Variants in INPP5F observed in about 807,000 individuals in gnomAD.
The protein encoded by INPP5F is inositol polyphosphate-5-phosphatase F, also known as phosphatidylinositide 4-phosphatase SAC2.
In INPP5F, 97 loss-of-function variants were observed where a neutral mutation model predicts 137.2. That is an observed-to-expected ratio of 0.71 (90% CI 0.60 to 0.84). INPP5F has a LOEUF of 0.84. Ranked by LOEUF, INPP5F falls within the 40% of genes least tolerant of loss-of-function variation. The pLI is 0.00. For missense variants in INPP5F, 1,271 were observed against 1,371.9 expected, an observed-to-expected ratio of 0.93 and a Z score of 1.16; for synonymous variants, 504 against 476.9, an observed-to-expected ratio of 1.06 and a Z score of -0.74.
chr10:119,780,302 C>T (rs557327316), intron 2 of INPP5F, among the ~76,000 whole-genome samples: 4 of 152,212 alleles, frequency 2.6e-5, no homozygotes, highest in African/African-American at 7.2e-5. Flanking sequence ...TGGCTGGGCA[C>T]GGTGGCTCAT....
At chr10:119,780,640 CTG>C (rs559228734) in intron 2 of INPP5F, among the ~76,000 whole-genome samples, 15 of 152,160 alleles carry the variant, frequency 9.9e-5, no homozygotes, top group Non-Finnish European at 2.1e-4. Flanking sequence ...ACAGTCGGCC[CTG>C]TGTATCCATT....
At chr10:119,795,222 ACCT>A (rs1467865918) in intron 6 of INPP5F, among the ~76,000 whole-genome samples, 1 of 114,630 alleles carries the variant, frequency 8.7e-6, no homozygotes, top group East Asian at 2.7e-4. Flanking sequence ...GGCGCCCCTC[ACCT>A]CCTGGACGGG....
In INPP5F at chr10:119,797,610, C is replaced by G; in HGVS notation, c.1018C>G (p.Arg340Gly). 6.2e-7 allele frequency: 1 copy of G among 1,612,848 alleles called. No homozygotes were observed. The highest frequency in any genetic ancestry group is 8.5e-7 in the Non-Finnish European group (1 of 1,179,446). ...TGTCTTTTGGAGCCAGGTTGGGTAT[C>G]GATATAACCCAAGACCGCGGCTGGA... is the stretch of plus-strand genomic sequence containing the variant. ...VPVFWSQVGY[R>G]YNPRPRLDRS... The change falls in exon 8 of 20, where the codon CGA (arginine) becomes GGA (glycine). Residue 340 changes from arginine (R) to glycine (G), a missense_variant. Arg to Gly is a moderately radical substitution (Grantham distance 125). This residue lies in a region of INPP5F where 593 missense variants were observed against 712.4 expected (regional missense o/e 0.83). Coordinates refer to ENST00000650623, the MANE Select transcript of INPP5F (RefSeq NM_014937.4).
intron 1 of INPP5F, among the ~76,000 whole-genome samples, chr10:119,741,326 T>C (rs1848369091): frequency 6.6e-6 from 1 of 152,182 alleles, no homozygotes; most frequent in South Asian, 2.1e-4. Context: ...AGGAAGCGGC[T>C]CCTGAATTTA....
intron 1 of INPP5F, 61 bp from the exon 2 acceptor site, chr10:119,751,015 T>C: frequency 9.4e-7 from 1 of 1,062,756 alleles, no homozygotes; most frequent in South Asian, 1.3e-5. Context: ...CTGCTAAAGA[T>C]ACTGTTTTAA....
intron 1 of INPP5F, among the ~76,000 whole-genome samples, chr10:119,731,390 A>G (rs1848060790): frequency 6.6e-6 from 1 of 151,936 alleles, no homozygotes; most frequent in Non-Finnish European, 1.5e-5. Context: ...GTAGCTAGGC[A>G]TGGTGGCTCG....
At chr10:119,809,176 G>A (rs1215223855) in intron 13 of INPP5F, among the ~76,000 whole-genome samples, 2 of 145,510 alleles carry the variant, frequency 1.4e-5, no homozygotes, top group African/African-American at 5.1e-5. Context: ...GCAGTAAGCC[G>A]AGATTGTGCC....
intron 14 of INPP5F, 69 bp downstream of exon 14, chr10:119,810,286 A>C: frequency 1.3e-6 from 1 of 793,766 alleles, no homozygotes; most frequent in Non-Finnish European, 2.2e-6. Flanking sequence ...TACAGAAACC[A>C]GCTTCATTAA....
intron 1 of INPP5F, among the ~76,000 whole-genome samples, chr10:119,738,392 A>G (rs1019384952): frequency 3.3e-5 from 5 of 152,196 alleles, no homozygotes; most frequent in Non-Finnish European, 7.4e-5. Flanking sequence ...ATTAGAAAAC[A>G]ATACATTTGT....
Position 119,810,137 on chromosome 10 carries a change from G to C in INPP5F, c.1607G>C (p.Gly536Ala). 1 of 1,613,184 alleles carries C rather than the reference G, an allele frequency of 6.2e-7. No individual in the cohort carries two copies. Among genetic ancestry groups the C allele is most frequent in the Non-Finnish European group, 8.5e-7 (1 of 1,179,366 alleles). ...AGGACAGGAGAAAGGAAGTTAGCAG[G>C]AGTTATGAAAGATGGAGTGAACTCA... The part of the protein sequence containing the change: ...FTRTGERKLA[G>A]VMKDGVNSAN... Residue 536 changes from glycine to alanine, a missense_variant, in exon 14 of 20, where the codon GGA becomes GCA. Gly to Ala is a moderately conservative substitution (Grantham distance 60). Coordinates refer to ENST00000650623, the MANE Select transcript of INPP5F (RefSeq NM_014937.4).
In INPP5F at chr10:119,804,276, C is replaced by T. The variant is rs781618164; in HGVS notation, c.1220C>T (p.Ser407Leu). 25 of 1,611,464 alleles carry T rather than the reference C, an allele frequency of 1.6e-5. No homozygotes were observed. Among genetic ancestry groups the T allele is most frequent in the Non-Finnish European group, 1.8e-5 (21 of 1,179,436 alleles). Residue 407 changes from serine to leucine, a missense_variant, in exon 10 of 20, where the codon TCG (serine) becomes TTG (leucine). Transcript: ENST00000650623. ...LFNNSHLTYV[S>L]FDFHEHCRGM... The stretch of plus-strand genomic sequence containing the variant: ...AACAACTCACACCTCACTTACGTTT[C>T]GTTTGACTTCCATGAGCACTGGTAA...
chr10:119,757,113 C>T (rs568390251), intron 2 of INPP5F, among the ~76,000 whole-genome samples: 168 of 152,074 alleles, frequency 1.1e-3, no homozygotes, highest in African/African-American at 3.5e-3. Flanking sequence ...TTTGTTCTGT[C>T]GCCCAGGCTG....
In INPP5F at chr10:119,792,340, C is replaced by T. The variant is rs181479637; in HGVS notation, c.669+127C>T. 4.0e-5 allele frequency: 28 copies of T among 705,518 alleles called. 1 individual carries two copies. The highest frequency in any genetic ancestry group is 1.6e-4 in the East Asian group (6 of 36,778). The allele number at this position is 705,518 out of a possible 1,614,324, so 43.7% of individuals were successfully genotyped here. Reference sequence around the variant, plus strand: ...TAAGATACATTTTTAAAGATCACTACGTTTTCCCCTATGGAATGGGAATCA... The same window carrying T: ...TAAGATACATTTTTAAAGATCACTATGTTTTCCCCTATGGAATGGGAATCA... On this transcript the variant is annotated intron_variant, in intron 6 of 19. Coordinates refer to ENST00000650623, the MANE Select transcript of INPP5F (RefSeq NM_014937.4).
chr10:119,734,847 TAGC>T (rs1228645805), intron 1 of INPP5F, among the ~76,000 whole-genome samples: 2 of 152,184 alleles, frequency 1.3e-5, no homozygotes, highest in African/African-American at 4.8e-5. Context: ...GTTTGAGAAG[TAGC>T]AGCAATGTCA....
intron 2 of INPP5F, among the ~76,000 whole-genome samples, chr10:119,751,432 G>A (rs914598889): frequency 6.6e-6 from 1 of 152,220 alleles, no homozygotes; most frequent in Admixed American, 6.5e-5. Context: ...TATAGCAAAT[G>A]CATTGATCTC....
At chr10:119,798,639 T>G in intron 9 of INPP5F, 29 bp downstream of exon 9, 1 of 1,449,948 alleles carries the variant, frequency 6.9e-7, no homozygotes, top group Non-Finnish European at 9.6e-7. Flanking sequence ...TAGTAAAATG[T>G]TCCTTCATCT....
At chr10:119,740,034 AT>A (rs57720657) in intron 1 of INPP5F, among the ~76,000 whole-genome samples, 69,062 of 151,756 alleles carry the variant, frequency 0.46, 15,975 homozygotes, top group East Asian at 0.62. Context: ...GCTTTTCTTA[AT>A]TTTTTTCCCC....
At chr10:119,772,600 T>C (rs1253312888) in intron 2 of INPP5F, among the ~76,000 whole-genome samples, 2 of 152,216 alleles carry the variant, frequency 1.3e-5, no homozygotes, top group African/African-American at 4.8e-5. Context: ...CGAAGGTCCT[T>C]CTGCTCTGAG....
Position 119,827,205 on chromosome 10 carries a change from TCTG to T in INPP5F, c.2828_2830del (p.Ala943del), listed in dbSNP as rs767861936. 14 of 1,614,008 alleles carry T rather than the reference TCTG, an allele frequency of 8.7e-6. No individual in the cohort carries two copies. The highest frequency in any genetic ancestry group is 1.3e-5 in the African/African-American group (1 of 74,924). On this transcript the variant is annotated inframe_deletion, in exon 20 of 20. Coordinates refer to ENST00000650623, the MANE Select transcript of INPP5F (RefSeq NM_014937.4). Reference sequence around the variant, plus strand: ...GGAGTCTCCTTTGAAGAAAAGTCCTTCTGCTGGCGACGTACACATATTGACTGG... The same window carrying T: ...GGAGTCTCCTTTGAAGAAAAGTCCTTCTGGCGACGTACACATATTGACTGG...
Sources: gnomAD v4.1 joint callset for allele counts (sites outside exome capture counted in the v4.1 genomes callset) on GRCh38, gnomAD v4.1.1 for gene constraint, gnomAD v4.1.1 regional missense constraint, MANE v1.5 for transcripts, NCBI Gene and HGNC (gene_info 2026-07-23, HGNC 2026-07-21) for gene names.